MOCOS: variants seen among roughly 807,000 people sequenced by gnomAD.
MOCOS encodes human molybdenum cofactor sulfurase.
Under a neutral mutation model 83.6 loss-of-function variants are expected in MOCOS, and 86 were observed. The ratio of observed to expected loss-of-function variants is 1.03; its 90% CI spans 0.86 to 1.23. The LOEUF (loss-of-function observed/expected upper bound fraction) is 1.23. Ranked by LOEUF, MOCOS falls within the 50% of genes most tolerant of loss-of-function variation. The pLI is 0.00. For missense variants in MOCOS, 1,120 were observed against 1,126.9 expected (o/e 0.99, Z 0.09); for synonymous variants, 445 against 434.7 (o/e 1.02, Z -0.29).
Position 36,187,596 on chromosome 18 carries a change from G to T in MOCOS, c.57G>T (p.Arg19=). Residue 19 remains arginine (R), a synonymous_variant, in exon 1 of 15, where the codon CGG becomes CGT. Transcript: ENST00000261326. ...AGCTGTGGACCTTCGCGGGTTCCCG[G>T]GACCCGAGCGCACCGCGGCTAGCCT... The part of the protein sequence containing the change: ...GRELWTFAGS[R]DPSAPRLAYG... The T allele has an allele frequency of 8.0e-7, 1 of 1,248,410 alleles. No individual in the cohort carries two copies. The allele number at this position is 1,248,410 out of a possible 1,614,324, so 77.3% of individuals were successfully genotyped here. A position where few individuals can be genotyped will look rare whatever the true frequency, so the allele number is the denominator to read the frequency against.
intron 9 of MOCOS, among the ~76,000 whole-genome samples, chr18:36,241,357 A>G (rs2091582123): frequency 6.6e-6 from 1 of 152,204 alleles, no homozygotes; most frequent in Admixed American, 6.5e-5. Flanking sequence ...GCCAAAACAA[A>G]TGGTCTGCAG....
At chr18:36,248,140 C>G (rs2091609003) in intron 9 of MOCOS, among the ~76,000 whole-genome samples, 1 of 152,064 alleles carries the variant, frequency 6.6e-6, no homozygotes, top group South Asian at 2.1e-4. Context: ...CTGGTAATAG[C>G]CATTCTAACT....
intron 9 of MOCOS, among the ~76,000 whole-genome samples, chr18:36,243,220 C>T (rs2091590612): frequency 6.6e-6 from 1 of 152,164 alleles, no homozygotes; most frequent in African/African-American, 2.4e-5. Context: ...CATTGGCAAA[C>T]AGGGACAGTT....
chr18:36,267,089 T>C (rs902883486), intron 14 of MOCOS, among the ~76,000 whole-genome samples: 9 of 152,200 alleles, frequency 5.9e-5, no homozygotes, highest in African/African-American at 2.2e-4. Context: ...TCCAATCTTG[T>C]TGAAGAGATA....
In MOCOS at chr18:36,271,448, G is replaced by A. The variant is rs796085376; in HGVS notation, c.*2763G>A. The A allele has an allele frequency of 7.2e-5, 11 of 152,188 alleles. No individual in the cohort carries two copies. Among genetic ancestry groups the A allele is most frequent in the African/African-American group, 2.6e-4 (11 of 41,538 alleles). The allele number at this position is 152,188 out of a possible 1,614,324, so 9.4% of individuals were successfully genotyped here. A position where few individuals can be genotyped will look rare whatever the true frequency, so the allele number is the denominator to read the frequency against. ...CTTGTATGAAGTTTCAGCTAAAAAT[G>A]TACTTTGTGTATCTGTAGAGTGGCT... On this transcript the variant is annotated 3_prime_UTR_variant, in exon 15 of 15. Coordinates refer to ENST00000261326, the MANE Select transcript of MOCOS (RefSeq NM_017947.4).
Position 36,248,918 on chromosome 18 carries a change from T to C in MOCOS, c.1961-4T>C, listed in dbSNP as rs1179456079. The C allele has an allele frequency of 1.2e-6, 2 of 1,613,086 alleles. No homozygotes were observed. The highest frequency in any genetic ancestry group is 2.2e-5 in the South Asian group (2 of 91,048). On this transcript the variant is annotated splice_region_variant and splice_polypyrimidine_tract_variant and intron_variant, in intron 9 of 14. Coordinates refer to ENST00000261326, the MANE Select transcript of MOCOS (RefSeq NM_017947.4). The stretch of plus-strand genomic sequence containing the variant: ...TAAATTTGTTTTTAACCTTTGTTCA[T>C]TAGGGATGGAGCCTATAGAGGTGCC...
chr18:36,256,358 G>A (rs886167061), intron 11 of MOCOS, among the ~76,000 whole-genome samples: 1 of 152,228 alleles, frequency 6.6e-6, no homozygotes, highest in African/African-American at 2.4e-5. Context: ...GGGAAAGGAT[G>A]CGCCTGCTGT....
chr18:36,240,794 G>A (rs1270403683), intron 9 of MOCOS, among the ~76,000 whole-genome samples: 2 of 152,164 alleles, frequency 1.3e-5, no homozygotes, highest in African/African-American at 2.4e-5. Flanking sequence ...AGACTCCATG[G>A]GGTAGGACCC....
At chr18:36,214,651 G>A (rs967206008) in intron 7 of MOCOS, among the ~76,000 whole-genome samples, 1 of 152,026 alleles carries the variant, frequency 6.6e-6, no homozygotes, top group Non-Finnish European at 1.5e-5. Context: ...TGGTTGCTGT[G>A]AAATACTGTA....
At chr18:36,203,048 C>G in intron 4 of MOCOS, 65 bp from the exon 5 acceptor site, 4 of 1,481,666 alleles carry the variant, frequency 2.7e-6, no homozygotes, top group Non-Finnish European at 3.8e-6. Flanking sequence ...TCATTATATA[C>G]CACGAAATGC....
intron 9 of MOCOS, among the ~76,000 whole-genome samples, chr18:36,233,234 C>G (rs982612841): frequency 6.6e-6 from 1 of 152,108 alleles, no homozygotes; most frequent in Admixed American, 6.6e-5. Flanking sequence ...TCTTTATATC[C>G]CCATAGCTTA....
In MOCOS at chr18:36,215,741, C is replaced by T. The variant is rs762638130; in HGVS notation, c.1561C>T (p.Pro521Ser). The T allele has an allele frequency of 1.9e-6, 3 of 1,614,212 alleles. No homozygotes were observed. In the Admixed American group the frequency reaches 5.0e-5, roughly 27 times the overall value. Residue 521 changes from proline (P) to serine (S), a missense_variant, in exon 8 of 15, where the codon CCT becomes TCT. Pro to Ser is a moderately conservative substitution (Grantham distance 74, BLOSUM62 -1). Transcript: ENST00000261326. ...AGCAGACAGCCAGGCTGATGTTATA[C>T]CTGCTGTCATGGGCAGACGTAGCCT... ...PSADSQADVI[P>S]AVMGRRSLSP... is the part of the protein sequence containing the mutation.
intron 11 of MOCOS, among the ~76,000 whole-genome samples, chr18:36,253,349 G>C (rs1356281262): frequency 6.6e-6 from 1 of 152,096 alleles, no homozygotes; most frequent in Non-Finnish European, 1.5e-5. Flanking sequence ...TCAGGGAGGA[G>C]GTGAGTTTGG....
intron 8 of MOCOS, among the ~76,000 whole-genome samples, chr18:36,218,682 T>C (rs66608923): frequency 0.15 from 23,010 of 151,734 alleles, 1,896 homozygotes; most frequent in Middle Eastern, 0.22. Flanking sequence ...GCCTGGCTAC[T>C]TTTTAATTTT....
At chr18:36,229,142 A>G (rs1372155934) in intron 9 of MOCOS, among the ~76,000 whole-genome samples, 1 of 152,160 alleles carries the variant, frequency 6.6e-6, no homozygotes, top group African/African-American at 2.4e-5. Flanking sequence ...CTACATATTT[A>G]CTTTATAGCA....
intron 9 of MOCOS, among the ~76,000 whole-genome samples, chr18:36,223,034 A>G (rs960564200): frequency 6.6e-6 from 1 of 152,218 alleles, no homozygotes; most frequent in Non-Finnish European, 1.5e-5. Flanking sequence ...CTCCCATTCC[A>G]CAGGTTGCCT....
At chr18:36,261,635 T>C (rs886323395) in intron 13 of MOCOS, among the ~76,000 whole-genome samples, 11 of 152,196 alleles carry the variant, frequency 7.2e-5, no homozygotes, top group African/African-American at 2.4e-4. Flanking sequence ...ATGATGTTTT[T>C]GATGTTTTTA....
intron 11 of MOCOS, among the ~76,000 whole-genome samples, chr18:36,254,304 A>G (rs972448504): frequency 6.6e-6 from 1 of 152,182 alleles, no homozygotes; most frequent in Admixed American, 6.5e-5. Context: ...GCTACAAAGG[A>G]TGTGATTTCC....
In MOCOS at chr18:36,191,632, C is replaced by A. The variant is rs1056788466; in HGVS notation, c.143-3625C>A. ...CTATTTATTTCTATAGAGATGGGGT[C>A]TCACATGTTGCTTATGCTGGTCTCA... On this transcript the variant is annotated intron_variant, in intron 1 of 14. Transcript: ENST00000261326. Among the ~76,000 whole-genome samples, 3 of 152,142 alleles carry A rather than the reference C, an allele frequency of 2.0e-5. No individual in the cohort carries two copies. The East Asian group carries it at 5.8e-4, about 29-fold the overall frequency.
Sources: gnomAD v4.1 joint callset for allele counts (sites outside exome capture counted in the v4.1 genomes callset) on GRCh38, gnomAD v4.1.1 for gene constraint, MANE v1.5 for transcripts, NCBI Gene and HGNC (gene_info 2026-07-23, HGNC 2026-07-21) for gene names.